The following ZKSCAN1 variants were observed in gnomAD, a reference collection of about 807,000 sequenced individuals.
The protein encoded by ZKSCAN1 is zinc finger with KRAB and SCAN domains 1, also known as zinc finger protein with KRAB and SCAN domains 1.
In ZKSCAN1, 14 loss-of-function variants were observed where a neutral mutation model predicts 51.6. That is an observed-to-expected ratio of 0.27 (90% confidence interval 0.18 to 0.42). ZKSCAN1 has a LOEUF of 0.42. ZKSCAN1 is among the 10% of genes least tolerant of loss of function. The probability of loss-of-function intolerance (pLI) is 1.00; values close to 1 mark genes in which losing one functional copy is unlikely to be tolerated. For missense variants in ZKSCAN1, 531 were observed against 710.0 expected, an observed-to-expected ratio of 0.75 and a Z score of 2.86; for synonymous variants, 263 against 261.5, an observed-to-expected ratio of 1.01 and a Z score of -0.06.
In ZKSCAN1 at chr7:100,040,073, TTTTA is replaced by T; in HGVS notation, c.*5877_*5880del. 1 of 897,004 alleles carries T rather than the reference TTTTA, an allele frequency of 1.1e-6. No individual in the cohort carries two copies. Among genetic ancestry groups the T allele is most frequent in the South Asian group, 5.1e-5 (1 of 19,422 alleles). The allele number at this position is 897,004 out of a possible 1,614,324, so 55.6% of individuals were successfully genotyped here. On this transcript the variant is annotated 3_prime_UTR_variant, in exon 6 of 6. Transcript: ENST00000324306. ...TATTATCTGAAAATGAAATTATCTG[TTTTA>T]CTTTTCAAAGCTTTGTGAAACAAAC...
Position 100,040,714 on chromosome 7 carries a change from TGAGGAGGGGCC to T in ZKSCAN1, c.*6523_*6533del, listed in dbSNP as rs1440768123. 1.1e-5 allele frequency: 11 copies of T among 985,350 alleles called. No homozygotes were observed. Among genetic ancestry groups the T allele is most frequent in the South Asian group, 4.7e-5 (1 of 21,284 alleles). 61.0% of individuals were successfully genotyped at this position (985,350 alleles called of 1,614,324 possible). ...GCTGAGAAAGAGTAATTAGGAGGCC[TGAGGAGGGGCC>T]GAGGAAAGGCTGTTGGGGTGTGCTG... is the stretch of plus-strand genomic sequence containing the variant. On this transcript the variant is annotated 3_prime_UTR_variant, in exon 6 of 6. Coordinates refer to ENST00000324306, the MANE Select transcript of ZKSCAN1 (RefSeq NM_003439.4).
downstream of ZKSCAN1, among the ~76,000 whole-genome samples, chr7:100,043,173 C>T (rs1791642924): frequency 6.6e-6 from 1 of 151,608 alleles, no homozygotes; most frequent in Non-Finnish European, 1.5e-5. Context: ...CTCAAGTGAT[C>T]TGCCTGCCTT....
intron 1 of ZKSCAN1, among the ~76,000 whole-genome samples, chr7:100,017,934 A>C (rs1270105052): frequency 6.6e-6 from 1 of 152,242 alleles, no homozygotes; most frequent in African/African-American, 2.4e-5. Context: ...TGGAATGTAC[A>C]GTTACATCTT....
chr7:100,035,964 T>C lies in ZKSCAN1; in HGVS notation c.*1767T>C. 1.0e-6 allele frequency: 1 copy of C among 985,436 alleles called. No individual in the cohort carries two copies. Among genetic ancestry groups the C allele is most frequent in the Non-Finnish European group, 1.2e-6 (1 of 829,936 alleles). The allele number at this position is 985,436 out of a possible 1,614,324, so 61.0% of individuals were successfully genotyped here. On this transcript the variant is annotated 3_prime_UTR_variant, in exon 6 of 6. Coordinates refer to ENST00000324306, the MANE Select transcript of ZKSCAN1 (RefSeq NM_003439.4). ...AGACTGAGAACAAACCTCAAGACTATCAGTGTGACCTCCCCATAACAAGAG... is the reference window on the plus strand; with the variant it reads ...AGACTGAGAACAAACCTCAAGACTACCAGTGTGACCTCCCCATAACAAGAG...
chr7:100,035,196 C>G lies in ZKSCAN1; in HGVS notation c.*999C>G, dbSNP rs1160888029. ...TGATAAAAGCCTGTGAATCGTGAGT[C>G]CCTGAAATATGGTAGCCTGGCCCAG... is the stretch of plus-strand genomic sequence containing the variant. On this transcript the variant is annotated 3_prime_UTR_variant, in exon 6 of 6. Transcript: ENST00000324306. 6.6e-6 allele frequency: 1 copy of G among 152,320 alleles called. No homozygotes were observed. Among genetic ancestry groups the G allele is most frequent in the Non-Finnish European group, 1.5e-5 (1 of 68,044 alleles). The allele number at this position is 152,320 out of a possible 1,614,324, so 9.4% of individuals were successfully genotyped here. A position where few individuals can be genotyped will look rare whatever the true frequency, so the allele number is the denominator to read the frequency against.
intron 1 of ZKSCAN1, among the ~76,000 whole-genome samples, chr7:100,018,592 G>T (rs1047236866): frequency 3.9e-5 from 6 of 152,046 alleles, no homozygotes; most frequent in Non-Finnish European, 7.4e-5. Flanking sequence ...GTTTCATCGT[G>T]TTACCAGGAT....
Position 100,022,478 on chromosome 7 carries a change from A to G in ZKSCAN1, c.-88-941A>G, listed in dbSNP as rs555491982. ...CAGACTAAGTAAGTGTATTAGTGTC[A>G]ATTTATAGCTTAATTTCTCTCTCTT... On this transcript the variant is annotated intron_variant, in intron 1 of 5. Coordinates refer to ENST00000324306, the MANE Select transcript of ZKSCAN1 (RefSeq NM_003439.4). Among the ~76,000 whole-genome samples the G allele has an allele frequency of 1.1e-4, 17 of 152,338 alleles. No homozygotes were observed. The East Asian group carries it at 3.3e-3, about 29-fold the overall frequency.
At position 100,034,219 on chromosome 7, in the gene ZKSCAN1, C is replaced by T. The variant is rs2115943736; in HGVS notation, c.*22C>T. ...GTAAAGGAAGAATTTGCCATCAAGC[C>T]ATTTCCCCCTTTTGTTTCTAAAATT... On this transcript the variant is annotated 3_prime_UTR_variant, in exon 6 of 6. Transcript: ENST00000324306. 6.7e-7 allele frequency: 1 copy of T among 1,498,826 alleles called. No individual in the cohort carries two copies. The highest frequency in any genetic ancestry group is 1.4e-5 in the South Asian group (1 of 73,890). 92.8% of individuals were successfully genotyped at this position (1,498,826 alleles called of 1,614,324 possible). A position where few individuals can be genotyped will look rare whatever the true frequency, so the allele number is the denominator to read the frequency against.
In ZKSCAN1 at chr7:100,039,290, T is replaced by G; in HGVS notation, c.*5093T>G. 3 of 979,248 alleles carry G rather than the reference T, an allele frequency of 3.1e-6. No individual in the cohort carries two copies. Among genetic ancestry groups the G allele is most frequent in the South Asian group, 4.7e-5 (1 of 21,062 alleles). 60.7% of individuals were successfully genotyped at this position (979,248 alleles called of 1,614,324 possible). A position where few individuals can be genotyped will look rare whatever the true frequency, so the allele number is the denominator to read the frequency against. On this transcript the variant is annotated 3_prime_UTR_variant, in exon 6 of 6. Transcript: ENST00000324306. ...TTGCACCACTGCACTCCAGCCTGGG[T>G]AACAGAGACTCTGTCTCAAAAAAAG...
chr7:100,040,464 G>A lies in ZKSCAN1; in HGVS notation c.*6267G>A. On this transcript the variant is annotated 3_prime_UTR_variant, in exon 6 of 6. Transcript: ENST00000324306. ...CAGCAAGCACTCATTAAGGAGTGAG[G>A]CTGAGTATTTTAAGATAGAGTGAGA... 1.0e-6 allele frequency: 1 copy of A among 985,440 alleles called. No homozygotes were observed. The highest frequency in any genetic ancestry group is 1.2e-6 in the Non-Finnish European group (1 of 829,926). The allele number at this position is 985,440 out of a possible 1,614,324, so 61.0% of individuals were successfully genotyped here.
Position 100,037,293 on chromosome 7 carries a change from C to A in ZKSCAN1, c.*3096C>A. On this transcript the variant is annotated 3_prime_UTR_variant, in exon 6 of 6. Coordinates refer to ENST00000324306, the MANE Select transcript of ZKSCAN1 (RefSeq NM_003439.4). The stretch of plus-strand genomic sequence containing the variant: ...TTTTTGAAGAGTTTTTCAATATATA[C>A]CCTACCCTTGCCAGGAAGAGAAGTA... 1 of 985,396 alleles carries A rather than the reference C, an allele frequency of 1.0e-6. No homozygotes were observed. The highest frequency in any genetic ancestry group is 1.2e-6 in the Non-Finnish European group (1 of 829,932). 61.0% of individuals were successfully genotyped at this position (985,396 alleles called of 1,614,324 possible).
rs990048477 is a variant in ZKSCAN1 at position 100,041,623 on chromosome 7, A to T, written c.*7426A>T. 1 of 985,292 alleles carries T rather than the reference A, an allele frequency of 1.0e-6. No individual in the cohort carries two copies. 61.0% of individuals were successfully genotyped at this position (985,292 alleles called of 1,614,324 possible). ...AGGAAGGAAATTGTGGGGATTTGAA[A>T]TATTCTCTTTATGTTGTTTCTCTTC... On this transcript the variant is annotated 3_prime_UTR_variant, in exon 6 of 6. Coordinates refer to ENST00000324306, the MANE Select transcript of ZKSCAN1 (RefSeq NM_003439.4).
intron 1 of ZKSCAN1, among the ~76,000 whole-genome samples, chr7:100,022,931 G>A (rs6465762): frequency 0.25 from 37,857 of 151,940 alleles, 5,033 homozygotes; most frequent in East Asian, 0.4. Context: ...GGGTGGAGTC[G>A]GCCTGTTTGA....
chr7:100,038,606 G>A lies in ZKSCAN1; in HGVS notation c.*4409G>A, dbSNP rs781758283. ...TCTCCATGAAGCGAGAGTAGGAAGT[G>A]TACTGGAATGGCCAAGTGGGACTGC... On this transcript the variant is annotated 3_prime_UTR_variant, in exon 6 of 6. Coordinates refer to ENST00000324306, the MANE Select transcript of ZKSCAN1 (RefSeq NM_003439.4). 13 of 985,358 alleles carry A rather than the reference G, an allele frequency of 1.3e-5. No individual in the cohort carries two copies. Among genetic ancestry groups the A allele is most frequent in the African/African-American group, 1.7e-5 (1 of 57,246 alleles). 61.0% of individuals were successfully genotyped at this position (985,358 alleles called of 1,614,324 possible).
At chr7:100,020,273 A>G (rs1790539828) in intron 1 of ZKSCAN1, among the ~76,000 whole-genome samples, 1 of 152,212 alleles carries the variant, frequency 6.6e-6, no homozygotes, top group Admixed American at 6.5e-5. Context: ...GATGGCAGTC[A>G]AAATACAAGG....
rs1790329664 is a variant in ZKSCAN1 at position 100,015,733 on chromosome 7, CT to C, written c.-89+9del. ...GCCGCTCCCGGGGCTCACGGTGAGA[CT>C]TGGGGCCGGCCTCTGGGGTGGGAGG... is the stretch of plus-strand genomic sequence containing the variant. On this transcript the variant is annotated splice_region_variant and intron_variant, in intron 1 of 5. Transcript: ENST00000324306. 6.8e-6 allele frequency: 1 copy of C among 148,082 alleles called. No homozygotes were observed. Among genetic ancestry groups the C allele is most frequent in the Non-Finnish European group, 1.5e-5 (1 of 66,906 alleles). 9.2% of individuals were successfully genotyped at this position (148,082 alleles called of 1,614,324 possible). A position where few individuals can be genotyped will look rare whatever the true frequency, so the allele number is the denominator to read the frequency against.
chr7:100,024,335 A>G (rs990618086), intron 3 of ZKSCAN1, 28 bp downstream of exon 3: 13 of 1,611,974 alleles, frequency 8.1e-6, no homozygotes, highest in Non-Finnish European at 1.1e-5. Context: ...ATTTAGGGGA[A>G]GGGAAATGAT....
In ZKSCAN1 at chr7:100,039,610, T is replaced by C. The variant is rs1243221917; in HGVS notation, c.*5413T>C. 1 of 985,366 alleles carries C rather than the reference T, an allele frequency of 1.0e-6. No individual in the cohort carries two copies. Among genetic ancestry groups the C allele is most frequent in the African/African-American group, 1.7e-5 (1 of 57,252 alleles). The allele number at this position is 985,366 out of a possible 1,614,324, so 61.0% of individuals were successfully genotyped here. On this transcript the variant is annotated 3_prime_UTR_variant, in exon 6 of 6. Transcript: ENST00000324306. ...CAGTCACTTTTATTCCAGGTAGTCA[T>C]GCTGATCTGCTTATCCAAAGCCAGC...
chr7:100,018,855 TGAG>T lies in ZKSCAN1; in HGVS notation c.-89+3138_-89+3140del, dbSNP rs375547194. Among the ~76,000 whole-genome samples, 126 of 152,176 alleles carry T rather than the reference TGAG, an allele frequency of 8.3e-4. 1 individual carries two copies. Among genetic ancestry groups the T allele is most frequent in the African/African-American group, 2.8e-3 (118 of 41,522 alleles). ...AGTAGGAGCAGAGAGATACTGAAGG[TGAG>T]GAGGAGGATCTGTCCCAGTTGTGGG... On this transcript the variant is annotated intron_variant, in intron 1 of 5. Coordinates refer to ENST00000324306, the MANE Select transcript of ZKSCAN1 (RefSeq NM_003439.4).
Sources: allele counts gnomAD v4.1 joint callset (sites outside exome capture counted in the v4.1 genomes callset), GRCh38; gene constraint gnomAD v4.1.1; transcripts MANE v1.5; gene names NCBI Gene and HGNC (gene_info 2026-07-23, HGNC 2026-07-21).